The following ASIC2 variants were observed in gnomAD, a reference collection of about 807,000 sequenced individuals.
ASIC2 encodes acid sensing ion channel subunit 2, also known as acid-sensing ion channel 2.
A neutral mutation model predicts 57.3 loss-of-function variants in ASIC2; 25 were observed. That is an observed-to-expected ratio of 0.44 (90% CI 0.32 to 0.61). The LOEUF (loss-of-function observed/expected upper bound fraction) is 0.61, where lower values mean the gene tolerates loss of function less well. Ranked by LOEUF, ASIC2 falls within the 20% of genes least tolerant of loss-of-function variation. ASIC2 has a pLI of 0.06. For synonymous variants in ASIC2, 319 were observed against 307.5 expected, an observed-to-expected ratio of 1.04 and a Z score of -0.39; for missense variants, 641 against 738.1, an observed-to-expected ratio of 0.87 and a Z score of 1.52.
intron 1 of ASIC2, among the ~76,000 whole-genome samples, chr17:33,548,384 G>A (rs12939460): frequency 0.46 from 70,423 of 152,070 alleles, 16,394 homozygotes; most frequent in South Asian, 0.53. Flanking sequence ...CGCTCAGGAG[G>A]AGACATGGCT....
At chr17:33,352,309 G>A (rs1033692872) in intron 1 of ASIC2, among the ~76,000 whole-genome samples, 3 of 151,968 alleles carry the variant, frequency 2.0e-5, no homozygotes, top group South Asian at 2.1e-4. Flanking sequence ...CTCTCCTCAG[G>A]CACAATAGTC....
chr17:33,432,701 T>A (rs955708804), intron 1 of ASIC2, among the ~76,000 whole-genome samples: 1 of 152,198 alleles, frequency 6.6e-6, no homozygotes, highest in Non-Finnish European at 1.5e-5. Flanking sequence ...AGTAGACTAT[T>A]CCTAGTTAAG....
chr17:34,037,026 T>C (rs1424560584), intron 1 of ASIC2: 1 of 152,560 alleles, frequency 6.6e-6, no homozygotes, highest in Non-Finnish European at 1.5e-5. Flanking sequence ...CTTTCAAAAA[T>C]AAAAAAGAGG....
chr17:33,849,155 A>G (rs181277013), intron 1 of ASIC2, among the ~76,000 whole-genome samples: 1 of 152,332 alleles, frequency 6.6e-6, no homozygotes, highest in African/African-American at 2.4e-5. Context: ...ACTCATGTGC[A>G]AACATATCTA....
At chr17:33,287,706 T>C (rs528091214) in intron 1 of ASIC2, among the ~76,000 whole-genome samples, 3 of 152,300 alleles carry the variant, frequency 2.0e-5, no homozygotes, top group Admixed American at 6.5e-5. Flanking sequence ...GCCAGGTTTC[T>C]TTCCAGACCA....
intron 1 of ASIC2, among the ~76,000 whole-genome samples, chr17:33,155,564 C>CTTT (rs558082080): frequency 3.5e-4 from 46 of 130,802 alleles, no homozygotes; most frequent in African/African-American, 7.3e-4. Context: ...TTCTTTCTTT[C>CTTT]TTTTTTTTTT....
At chr17:33,821,028 A>G (rs1194641722) in intron 1 of ASIC2, among the ~76,000 whole-genome samples, 2 of 152,134 alleles carry the variant, frequency 1.3e-5, no homozygotes, top group Non-Finnish European at 2.9e-5. Flanking sequence ...TGGGCTTTAG[A>G]GCTAATGCTT....
At chr17:33,269,691 C>CTTCCTTCT in intron 1 of ASIC2, among the ~76,000 whole-genome samples, 1 of 69,214 alleles carries the variant, frequency 1.4e-5, no homozygotes, top group East Asian at 4.7e-4. Flanking sequence ...TCCCTCCTGC[C>CTTCCTTCT]TGCCTGCCTG....
intron 1 of ASIC2, among the ~76,000 whole-genome samples, chr17:33,489,346 G>A (rs1057384309): frequency 6.6e-6 from 1 of 152,202 alleles, no homozygotes; most frequent in Non-Finnish European, 1.5e-5. Flanking sequence ...GGAACCTGAG[G>A]CTCAAAGAAG....
At chr17:33,037,714 C>A (rs185193184) in intron 3 of ASIC2, among the ~76,000 whole-genome samples, 2 of 152,298 alleles carry the variant, frequency 1.3e-5, no homozygotes, top group Non-Finnish European at 2.9e-5. Context: ...AGTTGTAATA[C>A]GGAACGTGGG....
intron 3 of ASIC2, among the ~76,000 whole-genome samples, chr17:33,040,249 A>G (rs1008222895): frequency 9.2e-5 from 14 of 152,196 alleles, no homozygotes; most frequent in African/African-American, 2.9e-4. Context: ...AGTCATGAAG[A>G]GACACACTCC....
intron 1 of ASIC2, among the ~76,000 whole-genome samples, chr17:33,299,058 A>G (rs1249263533): frequency 6.6e-6 from 1 of 152,230 alleles, no homozygotes; most frequent in East Asian, 1.9e-4. Context: ...CAAGCTACCA[A>G]TGACTTTATT....
intron 1 of ASIC2, among the ~76,000 whole-genome samples, chr17:33,515,912 A>G (rs1914550631): frequency 6.6e-6 from 1 of 152,062 alleles, no homozygotes; most frequent in African/African-American, 2.4e-5. Flanking sequence ...CCTGGGCAAC[A>G]TGGCAAAACC....
intron 1 of ASIC2, among the ~76,000 whole-genome samples, chr17:33,174,441 C>T (rs138986152): frequency 6.6e-5 from 10 of 151,714 alleles, no homozygotes; most frequent in African/African-American, 2.2e-4. Context: ...AAAAAGATTC[C>T]GTGTATCCAT....
At chr17:33,605,271 C>G (rs951137845) in intron 1 of ASIC2, among the ~76,000 whole-genome samples, 1 of 152,206 alleles carries the variant, frequency 6.6e-6, no homozygotes, top group Admixed American at 6.5e-5. Context: ...CAGCGGGGAG[C>G]CCAGGAAGGA....
chr17:33,917,919 C>A (rs1304912319), intron 1 of ASIC2, among the ~76,000 whole-genome samples: 1 of 147,668 alleles, frequency 6.8e-6, no homozygotes, highest in African/African-American at 2.6e-5. Flanking sequence ...CACACAGGTA[C>A]TGAATAACGT....
At chr17:33,787,239 C>T (rs187690876) in intron 1 of ASIC2, among the ~76,000 whole-genome samples, 1 of 152,338 alleles carries the variant, frequency 6.6e-6, no homozygotes, top group Non-Finnish European at 1.5e-5. Flanking sequence ...TTCTGCAAGG[C>T]CCCAGAGGTC....
intron 1 of ASIC2, among the ~76,000 whole-genome samples, chr17:33,747,653 A>G (rs954931469): frequency 2.0e-5 from 3 of 152,116 alleles, no homozygotes; most frequent in Admixed American, 2.0e-4. Context: ...CCTCTCCCTC[A>G]GATTCTCCCC....
intron 1 of ASIC2, among the ~76,000 whole-genome samples, chr17:33,802,136 C>T (rs1041579316): frequency 1.3e-5 from 2 of 152,206 alleles, no homozygotes; most frequent in Admixed American, 1.3e-4. Context: ...CGACAGTGGT[C>T]CCACAAGGCT....
Sources: allele counts gnomAD v4.1 joint callset (sites outside exome capture counted in the v4.1 genomes callset), GRCh38; gene constraint gnomAD v4.1.1; transcripts MANE v1.5; gene names NCBI Gene and HGNC (gene_info 2026-07-23, HGNC 2026-07-21).